MAGI2: variants seen among roughly 807,000 people sequenced by gnomAD.
MAGI2 encodes the protein membrane-associated guanylate kinase, WW and PDZ domain-containing protein 2.
In MAGI2, 35 loss-of-function variants were observed where a neutral mutation model predicts 133.3. The observed-to-expected ratio is 0.26, with a 90% confidence interval of 0.20 to 0.35. The LOEUF (loss-of-function observed/expected upper bound fraction) is 0.35. MAGI2 is among the 10% of genes least tolerant of loss of function. MAGI2 has a pLI of 1.00. For missense variants in MAGI2, 1,636 were observed against 1,863.4 expected (o/e 0.88, Z 2.25); for synonymous variants, 729 against 710.6 (o/e 1.03, Z -0.41).
chr7:79,364,644 T>A (rs982119256), intron 1 of MAGI2, among the ~76,000 whole-genome samples: 1 of 151,938 alleles, frequency 6.6e-6, no homozygotes, highest in Non-Finnish European at 1.5e-5. Flanking sequence ...TCCCACACAA[T>A]CATATTCAAC....
chr7:78,650,407 T>C (rs760748243), intron 2 of MAGI2, among the ~76,000 whole-genome samples: 6 of 152,138 alleles, frequency 3.9e-5, no homozygotes, highest in African/African-American at 9.7e-5. Flanking sequence ...GTCTTTCTTA[T>C]GTGGGAGTGG....
chr7:79,452,890 G>A (rs1466603346), intron 1 of MAGI2, 130 bp downstream of exon 1: 2 of 976,570 alleles, frequency 2.0e-6, no homozygotes, highest in Admixed American at 5.4e-5. Context: ...TTGCACTGCG[G>A]GTGCTCTCTG....
intron 6 of MAGI2, among the ~76,000 whole-genome samples, chr7:78,393,838 T>C (rs1267786643): frequency 1.3e-5 from 2 of 152,232 alleles, no homozygotes. Flanking sequence ...AACAGATTTG[T>C]AACAAAGTGC....
chr7:78,381,016 A>T (rs1316981198), intron 6 of MAGI2, among the ~76,000 whole-genome samples: 1 of 152,156 alleles, frequency 6.6e-6, no homozygotes, highest in Non-Finnish European at 1.5e-5. Flanking sequence ...TTTTTGGTCA[A>T]TTTACCATAG....
At chr7:78,718,737 T>C (rs892493269) in intron 2 of MAGI2, among the ~76,000 whole-genome samples, 2 of 152,020 alleles carry the variant, frequency 1.3e-5, no homozygotes, top group Non-Finnish European at 2.9e-5. Context: ...CCAATAAATG[T>C]AGTGTGCTTG....
intron 3 of MAGI2, chr7:78,615,814 C>A (rs910181974): frequency 5.9e-5 from 9 of 152,052 alleles, no homozygotes; most frequent in African/African-American, 2.2e-4. Flanking sequence ...ATTTGGGTTA[C>A]TATTAGTATT....
intron 1 of MAGI2, among the ~76,000 whole-genome samples, chr7:79,385,893 G>A (rs1233959202): frequency 2.0e-5 from 3 of 151,848 alleles, no homozygotes; most frequent in Non-Finnish European, 2.9e-5. Flanking sequence ...CCTGCCTCAC[G>A]ATAGTAACCA....
chr7:78,939,620 A>G (rs769443973), intron 2 of MAGI2, among the ~76,000 whole-genome samples: 12 of 152,192 alleles, frequency 7.9e-5, no homozygotes, highest in Non-Finnish European at 1.8e-4. Context: ...AATAATAAAA[A>G]TATGTTTTGG....
intron 6 of MAGI2, among the ~76,000 whole-genome samples, chr7:78,463,294 G>A (rs1790260719): frequency 6.6e-6 from 1 of 152,166 alleles, no homozygotes; most frequent in Non-Finnish European, 1.5e-5. Flanking sequence ...GAAAAGACAT[G>A]TACAGGGAAA....
rs189732969 is a variant in MAGI2 at position 79,217,186 on chromosome 7, C to A, written c.302-209980G>T. ...GAGGAAATGAGTAAACTCAGAATTA[C>A]TCTGATTTCAAGCAAGATGAATCCT... On this transcript the variant is annotated intron_variant, in intron 1 of 21. Transcript: ENST00000354212. Among the ~76,000 whole-genome samples the A allele has an allele frequency of 1.3e-3, 204 of 152,024 alleles. 1 individual carries two copies. The highest frequency in any genetic ancestry group is 4.7e-3 in the African/African-American group (194 of 41,372).
At chr7:78,609,121 A>G (rs1186289565) in intron 3 of MAGI2, among the ~76,000 whole-genome samples, 1 of 152,166 alleles carries the variant, frequency 6.6e-6, no homozygotes, top group Non-Finnish European at 1.5e-5. Context: ...ATTCACTGGT[A>G]GCTGATTAGA....
chr7:79,045,314 C>A (rs67648955), intron 1 of MAGI2, among the ~76,000 whole-genome samples: 1 of 152,084 alleles, frequency 6.6e-6, no homozygotes. Flanking sequence ...TATATACACA[C>A]GTCCAAATCC....
intron 1 of MAGI2, among the ~76,000 whole-genome samples, chr7:79,096,230 G>A (rs1817499585): frequency 6.6e-6 from 1 of 152,132 alleles, no homozygotes; most frequent in Admixed American, 6.5e-5. Context: ...ATGAGAATGA[G>A]GGAAGAAAGA....
At chr7:78,845,884 G>A (rs979977914) in intron 2 of MAGI2, among the ~76,000 whole-genome samples, 2 of 151,862 alleles carry the variant, frequency 1.3e-5, no homozygotes, top group South Asian at 2.1e-4. Context: ...GACATCATTT[G>A]CAGGTGTACA....
At chr7:79,042,479 C>T (rs554870674) in intron 1 of MAGI2, among the ~76,000 whole-genome samples, 2 of 152,174 alleles carry the variant, frequency 1.3e-5, no homozygotes, top group Non-Finnish European at 2.9e-5. Flanking sequence ...CTTCTTTATC[C>T]AACTTGCCAC....
chr7:78,120,792 G>C (rs1820372000), intron 20 of MAGI2, among the ~76,000 whole-genome samples: 1 of 151,450 alleles, frequency 6.6e-6, no homozygotes, highest in Admixed American at 6.6e-5. Flanking sequence ...ACGAGGTCAG[G>C]AGATCGAGAC....
chr7:79,321,927 G>A (rs1311180611), intron 1 of MAGI2, among the ~76,000 whole-genome samples: 1 of 152,134 alleles, frequency 6.6e-6, no homozygotes, highest in Non-Finnish European at 1.5e-5. Flanking sequence ...TGGTTACTGA[G>A]TCTCACAGCC....
intron 2 of MAGI2, among the ~76,000 whole-genome samples, chr7:78,866,260 G>A (rs1794543524): frequency 6.6e-6 from 1 of 152,098 alleles, no homozygotes. Flanking sequence ...TATCTCTTCA[G>A]ATATTCAGCC....
At chr7:78,430,611 T>C (rs1799702152) in intron 6 of MAGI2, among the ~76,000 whole-genome samples, 1 of 152,102 alleles carries the variant, frequency 6.6e-6, no homozygotes, top group South Asian at 2.1e-4. Flanking sequence ...CAACACCTTT[T>C]AAACAGTTGT....
Sources: gnomAD v4.1 joint callset for allele counts (sites outside exome capture counted in the v4.1 genomes callset) on GRCh38, gnomAD v4.1.1 for gene constraint, MANE v1.5 for transcripts, NCBI Gene and HGNC (gene_info 2026-07-23, HGNC 2026-07-21) for gene names.